FOXK2: variants seen among roughly 807,000 people sequenced by gnomAD.
FOXK2 encodes forkhead box protein K2.
In FOXK2, 24 loss-of-function variants were observed where a neutral mutation model predicts 53.3. That is an observed-to-expected ratio of 0.45 (90% CI 0.33 to 0.63). FOXK2 has a LOEUF of 0.63. FOXK2 is among the 30% of genes least tolerant of loss of function. The pLI is 0.03. For missense variants in FOXK2, 952 were observed against 910.5 expected (o/e 1.05, Z -0.59); for synonymous variants, 505 against 407.1 (o/e 1.24, Z -2.89).
intron 8 of FOXK2, chr17:82,600,520 A>G (rs1297699172): frequency 6.6e-6 from 1 of 152,268 alleles, no homozygotes; most frequent in Non-Finnish European, 1.5e-5. Flanking sequence ...GAGCTGACTG[A>G]TTTAAATGTT....
intron 1 of FOXK2, among the ~76,000 whole-genome samples, chr17:82,548,797 G>T (rs1340565911): frequency 6.6e-6 from 1 of 152,208 alleles, no homozygotes; most frequent in Non-Finnish European, 1.5e-5. Context: ...GTGTTTGGCA[G>T]AGAGCCCTTT....
intron 8 of FOXK2, 57 bp from the exon 9 acceptor site, chr17:82,601,246 T>C: frequency 1.3e-6 from 2 of 1,556,488 alleles, no homozygotes; most frequent in Non-Finnish European, 1.8e-6. Flanking sequence ...CGTGGGGTTC[T>C]GAGTCGCGAG....
chr17:82,573,104 G>C (rs927765554), intron 4 of FOXK2, among the ~76,000 whole-genome samples: 23 of 152,058 alleles, frequency 1.5e-4, no homozygotes, highest in Non-Finnish European at 2.8e-4. Flanking sequence ...GAGGTGGGAG[G>C]ATCACCTGAG....
At chr17:82,581,570 G>C (rs1421314867) in intron 4 of FOXK2, among the ~76,000 whole-genome samples, 5 of 151,720 alleles carry the variant, frequency 3.3e-5, no homozygotes, top group Non-Finnish European at 7.4e-5. Flanking sequence ...CTGCCTCCCG[G>C]GTTCACACCA....
chr17:82,567,830 A>T (rs967845986), intron 2 of FOXK2, among the ~76,000 whole-genome samples: 1 of 152,128 alleles, frequency 6.6e-6, no homozygotes, highest in Non-Finnish European at 1.5e-5. Flanking sequence ...ATAGAAGCAA[A>T]TACCCTATTT....
At chr17:82,548,561 T>A (rs2044647992) in intron 1 of FOXK2, among the ~76,000 whole-genome samples, 1 of 152,190 alleles carries the variant, frequency 6.6e-6, no homozygotes. Flanking sequence ...ATTGTGAATA[T>A]TTTCTCCCAT....
intron 1 of FOXK2, among the ~76,000 whole-genome samples, chr17:82,528,223 A>C (rs553929791): frequency 6.6e-6 from 1 of 152,220 alleles, no homozygotes; most frequent in South Asian, 2.1e-4. Flanking sequence ...AGCTCTGTGC[A>C]TGATTGGTGG....
In FOXK2 at chr17:82,519,763, C is replaced by G. The variant is rs993117790; in HGVS notation, c.-126C>G. On this transcript the variant is annotated 5_prime_UTR_variant, in exon 1 of 9. Coordinates refer to ENST00000335255, the MANE Select transcript of FOXK2 (RefSeq NM_004514.4). The stretch of plus-strand genomic sequence containing the variant: ...CGCCGCCGCTCGCTCGCTCGCCGGC[C>G]GGCGGCCTCCGCTCGGCCCCCTCCC... 1.8e-5 allele frequency: 4 copies of G among 227,522 alleles called. No homozygotes were observed. The highest frequency in any genetic ancestry group is 7.1e-6 in the Non-Finnish European group (1 of 140,340). 14.1% of individuals were successfully genotyped at this position (227,522 alleles called of 1,614,324 possible). A position where few individuals can be genotyped will look rare whatever the true frequency, so the allele number is the denominator to read the frequency against.
intron 8 of FOXK2, chr17:82,595,772 C>T: frequency 7.8e-7 from 1 of 1,289,366 alleles, no homozygotes; most frequent in Non-Finnish European, 1.0e-6. Context: ...TTTCCCACTC[C>T]TCTCCCCAGG....
chr17:82,583,871 C>CAGAG, intron 5 of FOXK2, 142 bp from the exon 6 acceptor site: 1 of 829,246 alleles, frequency 1.2e-6, no homozygotes. Flanking sequence ...CGTAGGCGTG[C>CAGAG]AGAGACGTAG....
chr17:82,579,532 T>C (rs11653027), intron 4 of FOXK2, among the ~76,000 whole-genome samples: 3,600 of 135,306 alleles, frequency 0.027, 21 homozygotes, highest in Non-Finnish European at 0.039. Flanking sequence ...CTCCTCTCCA[T>C]GTCACCCATG....
rs574838808 is a variant in FOXK2, at chr17:82,544,830, G to A, written c.420-18524G>A. Among the ~76,000 whole-genome samples the A allele has an allele frequency of 7.1e-4, 108 of 152,172 alleles. 2 individuals carry two copies. Among genetic ancestry groups the A allele is most frequent in the Non-Finnish European group, 1.3e-3 (86 of 67,994 alleles). On this transcript the variant is annotated intron_variant, in intron 1 of 8. Coordinates refer to ENST00000335255, the MANE Select transcript of FOXK2 (RefSeq NM_004514.4). ...TCAGTGGCTTTGGGACCTGGCTTCC[G>A]TCCAGCTCTGTGTCTGCAGTGCTAC...
chr17:82,592,392 G>C (rs773758050), intron 8 of FOXK2, among the ~76,000 whole-genome samples: 9 of 152,246 alleles, frequency 5.9e-5, no homozygotes, highest in Non-Finnish European at 1.2e-4. Flanking sequence ...TTTTCTTTCT[G>C]TCACCTTCTT....
intron 1 of FOXK2, among the ~76,000 whole-genome samples, chr17:82,528,415 A>G (rs1377284916): frequency 1.3e-5 from 2 of 152,176 alleles, no homozygotes; most frequent in African/African-American, 4.8e-5. Context: ...TTATCTGTTT[A>G]ACATTTTTGT....
chr17:82,591,113 T>C (rs1267277918), intron 8 of FOXK2, among the ~76,000 whole-genome samples: 1 of 152,142 alleles, frequency 6.6e-6, no homozygotes, highest in Non-Finnish European at 1.5e-5. Flanking sequence ...GTTCCGGCCA[T>C]GCACTGTAGC....
At position 82,554,640 on chromosome 17, in the gene FOXK2, C is replaced by T. The variant is rs544403680; in HGVS notation, c.420-8714C>T. 3.3e-5 allele frequency among the ~76,000 whole-genome samples: 5 copies of T among 152,282 alleles called. No individual in the cohort carries two copies. In the East Asian group the frequency reaches 9.6e-4, roughly 29 times the overall value. On this transcript the variant is annotated intron_variant, in intron 1 of 8. Transcript: ENST00000335255. ...CCTTTCCTGTAGTGCATCTCTTAAC[C>T]TGTCCCTTCCTTCCATTTTTGGTCA...
intron 1 of FOXK2, among the ~76,000 whole-genome samples, chr17:82,543,345 G>A (rs1206661711): frequency 2.0e-5 from 3 of 152,178 alleles, no homozygotes; most frequent in South Asian, 2.1e-4. Flanking sequence ...TGGAACTCCC[G>A]GGCTCATGTT....
chr17:82,544,233 C>A (rs1023566691), intron 1 of FOXK2, among the ~76,000 whole-genome samples: 1 of 152,204 alleles, frequency 6.6e-6, no homozygotes, highest in Non-Finnish European at 1.5e-5. Context: ...TTTGAAAATT[C>A]TTTGGCTTTT....
At chr17:82,593,327 GGT>G (rs2045274496) in intron 8 of FOXK2, 1 of 149,854 alleles carries the variant, frequency 6.7e-6, no homozygotes, top group Admixed American at 6.6e-5. Context: ...ATTCTGAAAG[GGT>G]ACGCAGCAGT....
Sources: gnomAD v4.1 joint callset for allele counts (sites outside exome capture counted in the v4.1 genomes callset) on GRCh38, gnomAD v4.1.1 for gene constraint, MANE v1.5 for transcripts, NCBI Gene and HGNC (gene_info 2026-07-23, HGNC 2026-07-21) for gene names.